GALNTL6: variants seen among roughly 807,000 people sequenced by gnomAD.
The protein encoded by GALNTL6 is polypeptide N-acetylgalactosaminyltransferase like 6.
A neutral mutation model predicts 73.7 loss-of-function variants in GALNTL6; 46 were observed. The ratio of observed to expected loss-of-function variants is 0.62; its 90% CI spans 0.49 to 0.80. GALNTL6 has a LOEUF of 0.80. Among genes scored for constraint, GALNTL6 ranks in the 30% least tolerant of loss-of-function variants. The probability of loss-of-function intolerance (pLI) is 0.00; values close to 1 mark genes in which losing one functional copy is unlikely to be tolerated. For missense variants in GALNTL6, 604 were observed against 755.0 expected (o/e 0.80, Z 2.34); for synonymous variants, 259 against 263.7 (o/e 0.98, Z 0.17).
chr4:172,761,514 A>G (rs1385301207), intron 5 of GALNTL6, among the ~76,000 whole-genome samples: 1 of 152,152 alleles, frequency 6.6e-6, no homozygotes, highest in Non-Finnish European at 1.5e-5. Flanking sequence ...CCCAAATCTC[A>G]TGTGGATTTG....
chr4:172,200,992 TTAGTAAA>T lies in GALNTL6; in HGVS notation c.139-28658_139-28652del, dbSNP rs1579246779. On this transcript the variant is annotated intron_variant, in intron 2 of 12. Coordinates refer to ENST00000506823, the MANE Select transcript of GALNTL6 (RefSeq NM_001034845.3). The stretch of plus-strand genomic sequence containing the variant: ...CAATGGAAAGCAAGCTTTATTATTG[TTAGTAAA>T]TAGTATGCTCTATGAAAGAGAAGCT... 4.6e-5 allele frequency among the ~76,000 whole-genome samples: 7 copies of T among 152,320 alleles called. No individual in the cohort carries two copies. In the East Asian group the frequency reaches 1.4e-3, roughly 29 times the overall value.
chr4:172,212,309 A>G (rs1208590519), intron 2 of GALNTL6, among the ~76,000 whole-genome samples: 1 of 151,536 alleles, frequency 6.6e-6, no homozygotes, highest in Non-Finnish European at 1.5e-5. Context: ...TCACAGGCAC[A>G]TGCCACCACG....
At chr4:172,566,886 T>C (rs992824998) in intron 5 of GALNTL6, among the ~76,000 whole-genome samples, 4 of 152,188 alleles carry the variant, frequency 2.6e-5, no homozygotes, top group Middle Eastern at 3.4e-3. Context: ...TTATGCACAA[T>C]TACACACCAA....
chr4:172,105,011 A>G (rs1453197195), intron 2 of GALNTL6, among the ~76,000 whole-genome samples: 1 of 152,222 alleles, frequency 6.6e-6, no homozygotes, highest in East Asian at 1.9e-4. Context: ...ACAATTACAA[A>G]AAGTCATAAA....
intron 3 of GALNTL6, among the ~76,000 whole-genome samples, chr4:172,244,380 A>T (rs867757920): frequency 3.3e-5 from 5 of 152,200 alleles, no homozygotes; most frequent in South Asian, 2.1e-4. Context: ...ATCTCAGGAG[A>T]TTTATTAAAC....
At chr4:172,166,181 G>A (rs570313979) in intron 2 of GALNTL6, among the ~76,000 whole-genome samples, 1 of 152,194 alleles carries the variant, frequency 6.6e-6, no homozygotes, top group Non-Finnish European at 1.5e-5. Context: ...ATTTTTGTCC[G>A]GGCATGGAGG....
At chr4:172,134,258 G>A (rs1011567445) in intron 2 of GALNTL6, among the ~76,000 whole-genome samples, 3 of 151,928 alleles carry the variant, frequency 2.0e-5, no homozygotes, top group East Asian at 1.9e-4. Flanking sequence ...GGTGGCGGGC[G>A]CCTGTAGTCC....
chr4:172,423,695 TG>T (rs1731129507), intron 5 of GALNTL6, among the ~76,000 whole-genome samples: 1 of 152,134 alleles, frequency 6.6e-6, no homozygotes, highest in Non-Finnish European at 1.5e-5. Flanking sequence ...TCTACTTTCC[TG>T]CTAGAATGTA....
intron 5 of GALNTL6, among the ~76,000 whole-genome samples, chr4:172,557,815 C>T (rs1288140842): frequency 6.6e-6 from 1 of 151,560 alleles, no homozygotes; most frequent in African/African-American, 2.4e-5. Flanking sequence ...GTTATAGCCA[C>T]ATTAGAAAAA....
At chr4:172,204,403 T>C (rs1262823640) in intron 2 of GALNTL6, among the ~76,000 whole-genome samples, 2 of 152,184 alleles carry the variant, frequency 1.3e-5, no homozygotes, top group Non-Finnish European at 2.9e-5. Context: ...AAGGGGCACA[T>C]GGCAGTCTGA....
At chr4:172,979,013 C>T (rs1030954794) in intron 10 of GALNTL6, among the ~76,000 whole-genome samples, 1 of 152,202 alleles carries the variant, frequency 6.6e-6, no homozygotes, top group African/African-American at 2.4e-5. Flanking sequence ...TAAATAATTC[C>T]TGCAAAGCTC....
At chr4:172,073,475 A>G (rs569678030) in intron 2 of GALNTL6, among the ~76,000 whole-genome samples, 18 of 152,194 alleles carry the variant, frequency 1.2e-4, no homozygotes, top group Admixed American at 4.6e-4. Context: ...TTTTTGGAAT[A>G]TGGAAGAGTA....
chr4:172,946,469 T>A (rs1749172061), intron 9 of GALNTL6, among the ~76,000 whole-genome samples: 2 of 152,234 alleles, frequency 1.3e-5, no homozygotes, highest in African/African-American at 4.8e-5. Flanking sequence ...ACTATCTATT[T>A]TCCTCATGCT....
At chr4:172,176,107 A>AGGTGG (rs1255644656) in intron 2 of GALNTL6, among the ~76,000 whole-genome samples, 1 of 152,040 alleles carries the variant, frequency 6.6e-6, no homozygotes, top group East Asian at 1.9e-4. Flanking sequence ...TGGGAGGCCG[A>AGGTGG]GGTGGGCGGA....
At chr4:172,512,910 A>C (rs941143054) in intron 5 of GALNTL6, among the ~76,000 whole-genome samples, 9 of 151,924 alleles carry the variant, frequency 5.9e-5, no homozygotes, top group African/African-American at 2.2e-4. Flanking sequence ...ATTTTAGTTA[A>C]CTTGATGGCT....
At chr4:172,515,715 G>A (rs2110802704) in intron 5 of GALNTL6, among the ~76,000 whole-genome samples, 1 of 152,252 alleles carries the variant, frequency 6.6e-6, no homozygotes, top group African/African-American at 2.4e-5. Context: ...CCTCCTATTG[G>A]CTGGCTACTG....
chr4:171,967,455 T>TTTTTTG (rs761710327), intron 2 of GALNTL6, among the ~76,000 whole-genome samples: 7 of 146,722 alleles, frequency 4.8e-5, no homozygotes, highest in Non-Finnish European at 9.0e-5. Context: ...GGGTTTTTTT[T>TTTTTTG]TTTTTTTTTT....
rs1021416038 is a variant in GALNTL6 at position 171,906,730 on chromosome 4, A to G, written c.138+92012A>G. On this transcript the variant is annotated intron_variant, in intron 2 of 12. Coordinates refer to ENST00000506823, the MANE Select transcript of GALNTL6 (RefSeq NM_001034845.3). Reference sequence around the variant, plus strand: ...AGACCAATATCCTTGATGAACATTGATGCAAAAATCCTGAATAAAATACTG... The same window carrying G: ...AGACCAATATCCTTGATGAACATTGGTGCAAAAATCCTGAATAAAATACTG... 2.0e-5 allele frequency among the ~76,000 whole-genome samples: 3 copies of G among 152,370 alleles called. No individual in the cohort carries two copies. The East Asian group carries it at 5.8e-4, about 29-fold the overall frequency.
intron 8 of GALNTL6, among the ~76,000 whole-genome samples, chr4:172,918,320 G>A (rs3105223): frequency 0.019 from 2,825 of 151,768 alleles, 92 homozygotes; most frequent in African/African-American, 0.064. Context: ...ACATGAACAC[G>A]GCACATGTAT....
Sources: allele counts gnomAD v4.1 joint callset (sites outside exome capture counted in the v4.1 genomes callset), GRCh38; gene constraint gnomAD v4.1.1; transcripts MANE v1.5; gene names NCBI Gene and HGNC (gene_info 2026-07-23, HGNC 2026-07-21).